Variants in ADAMTS19 observed in about 807,000 individuals in gnomAD.
The protein encoded by ADAMTS19 is A disintegrin and metalloproteinase with thrombospondin motifs 19.
A neutral mutation model predicts 153.3 loss-of-function variants in ADAMTS19; 93 were observed. The observed-to-expected ratio is 0.61, with a 90% CI of 0.51 to 0.72. ADAMTS19 has a LOEUF of 0.72. Ranked by LOEUF, ADAMTS19 falls within the 30% of genes least tolerant of loss-of-function variation. The probability of loss-of-function intolerance (pLI) is 0.00; values close to 1 mark genes in which losing one functional copy is unlikely to be tolerated. For missense variants in ADAMTS19, 1,482 were observed against 1,552.1 expected (o/e 0.95, Z 0.76); for synonymous variants, 600 against 556.6 (o/e 1.08, Z -1.10).
At chr5:129,494,198 C>A (rs1432399324) in intron 2 of ADAMTS19, among the ~76,000 whole-genome samples, 3 of 151,962 alleles carry the variant, frequency 2.0e-5, no homozygotes, top group Non-Finnish European at 4.4e-5. Flanking sequence ...AGAGAAATAT[C>A]TATATTTCAA....
At chr5:129,617,537 G>A (rs1336845625) in intron 8 of ADAMTS19, among the ~76,000 whole-genome samples, 1 of 152,022 alleles carries the variant, frequency 6.6e-6, no homozygotes, top group African/African-American at 2.4e-5. Flanking sequence ...AATAGCATTT[G>A]TGTATGGTTT....
At chr5:129,716,658 T>C (rs926109808) in intron 21 of ADAMTS19, among the ~76,000 whole-genome samples, 1 of 151,540 alleles carries the variant, frequency 6.6e-6, no homozygotes, top group Non-Finnish European at 1.5e-5. Flanking sequence ...TCTTCCTCTA[T>C]ACACAAGTAG....
chr5:129,509,124 C>T lies in ADAMTS19; in HGVS notation c.795C>T (p.Leu265=), dbSNP rs375400868. 5.0e-6 allele frequency: 8 copies of T among 1,611,490 alleles called. No individual in the cohort carries two copies. In the African/African-American group the frequency reaches 8.0e-5, roughly 16 times the overall value. The change falls in exon 3 of 23, where the codon CTC becomes CTT. Residue 265 remains leucine (L), a synonymous_variant. Coordinates refer to ENST00000274487, the MANE Select transcript of ADAMTS19 (RefSeq NM_133638.6). ...AGGACTTCATATTTATTGAGCCACT[C>T]AATGATACAATGGCCATAACAGGTC... ...LNEDFIFIEP[L]NDTMAITGHP...
At chr5:129,467,184 A>T (rs1262754671) in intron 2 of ADAMTS19, among the ~76,000 whole-genome samples, 3 of 152,192 alleles carry the variant, frequency 2.0e-5, no homozygotes, top group Non-Finnish European at 4.4e-5. Context: ...TGTATGCTGT[A>T]AGACAAAGGA....
At chr5:129,719,405 AC>A (rs1356720480) in intron 21 of ADAMTS19, among the ~76,000 whole-genome samples, 2 of 152,186 alleles carry the variant, frequency 1.3e-5, no homozygotes, top group African/African-American at 4.8e-5. Context: ...ATTCAGAGTG[AC>A]AAATGACTAG....
intron 7 of ADAMTS19, among the ~76,000 whole-genome samples, chr5:129,575,912 T>C (rs1001656666): frequency 3.9e-5 from 6 of 152,042 alleles, no homozygotes; most frequent in Non-Finnish European, 8.8e-5. Flanking sequence ...TACCCTTATA[T>C]TTTCTGAAGA....
At chr5:129,460,601 A>G in intron 1 of ADAMTS19, 119 bp downstream of exon 1, 5 of 1,118,232 alleles carry the variant, frequency 4.5e-6, no homozygotes, top group Non-Finnish European at 6.7e-6. Context: ...GTGGGTAGCA[A>G]TAAAAATGAG....
At position 129,460,317 on chromosome 5, in the gene ADAMTS19, G is replaced by T; in HGVS notation, c.-75G>T. On this transcript the variant is annotated 5_prime_UTR_variant, in exon 1 of 23. Coordinates refer to ENST00000274487, the MANE Select transcript of ADAMTS19 (RefSeq NM_133638.6). ...CCGCCCGGCCTCCTAGCGCTCCGGGGAGGCCGCTGCGCCCCGGAGTGGATC... is the reference window on the plus strand; with the variant it reads ...CCGCCCGGCCTCCTAGCGCTCCGGGTAGGCCGCTGCGCCCCGGAGTGGATC... 2 of 1,350,846 alleles carry T rather than the reference G, an allele frequency of 1.5e-6. No individual in the cohort carries two copies. The highest frequency in any genetic ancestry group is 1.5e-5 in the African/African-American group (1 of 68,816). 83.7% of individuals were successfully genotyped at this position (1,350,846 alleles called of 1,614,324 possible). A position where few individuals can be genotyped will look rare whatever the true frequency, so the allele number is the denominator to read the frequency against.
chr5:129,545,610 A>T (rs1415475351), intron 6 of ADAMTS19, among the ~76,000 whole-genome samples: 1 of 151,878 alleles, frequency 6.6e-6, no homozygotes, highest in Non-Finnish European at 1.5e-5. Flanking sequence ...GAAGACATTT[A>T]TGCAGCCAAA....
rs140395613 is a variant in ADAMTS19, at chr5:129,622,643, C to A, written c.1770+295C>A. On this transcript the variant is annotated intron_variant, in intron 10 of 22. Transcript: ENST00000274487. ...TCAGTTCAATGCTTCTATTTTAAAT[C>A]CCATACAGTTTTCTCTCCATTATCT... is the stretch of plus-strand genomic sequence containing the variant. Among the ~76,000 whole-genome samples, 295 of 152,194 alleles carry A rather than the reference C, an allele frequency of 1.9e-3. 1 individual carries two copies. The highest frequency in any genetic ancestry group is 6.9e-3 in the African/African-American group (286 of 41,536).
chr5:129,647,193 A>C lies in ADAMTS19; in HGVS notation c.1873-572A>C, dbSNP rs565309273. Among the ~76,000 whole-genome samples the C allele has an allele frequency of 6.9e-5, 10 of 144,792 alleles. No individual in the cohort carries two copies. The South Asian group carries it at 2.3e-3, about 33-fold the overall frequency. 95.0% of individuals were successfully genotyped at this position (144,792 alleles called of 152,430 possible). On this transcript the variant is annotated intron_variant, in intron 11 of 22. Coordinates refer to ENST00000274487, the MANE Select transcript of ADAMTS19 (RefSeq NM_133638.6). ...CAACTTGCTGTAATGTTAATGTTTG[A>C]ACTTGATGGGAATTCTTTCAGAAAA... is the stretch of plus-strand genomic sequence containing the variant.
intron 21 of ADAMTS19, among the ~76,000 whole-genome samples, chr5:129,712,153 T>C (rs1756511934): frequency 6.6e-6 from 1 of 152,140 alleles, no homozygotes; most frequent in Admixed American, 6.5e-5. Flanking sequence ...GAGAAGGTAA[T>C]TGCTTACAAT....
At chr5:129,659,146 T>C (rs1753719247) in intron 15 of ADAMTS19, among the ~76,000 whole-genome samples, 1 of 152,304 alleles carries the variant, frequency 6.6e-6, no homozygotes, top group South Asian at 2.1e-4. Flanking sequence ...TTTTTCTTAA[T>C]GTTTTTGCTA....
In ADAMTS19 at chr5:129,654,286, T is replaced by C; in HGVS notation, c.2177-20T>C. Reference sequence around the variant, plus strand: ...ATGGGGTAACTTTTTCTCATTTCTTTTTATCTACTCTGTATGTAGAAAAAC... The same window carrying C: ...ATGGGGTAACTTTTTCTCATTTCTTCTTATCTACTCTGTATGTAGAAAAAC... On this transcript the variant is annotated intron_variant, in intron 13 of 22. Transcript: ENST00000274487. 6.4e-7 allele frequency: 1 copy of C among 1,558,974 alleles called. No individual in the cohort carries two copies. Among genetic ancestry groups the C allele is most frequent in the Non-Finnish European group, 8.6e-7 (1 of 1,160,468 alleles).
intron 3 of ADAMTS19, among the ~76,000 whole-genome samples, chr5:129,511,582 A>G (rs1281658862): frequency 6.6e-6 from 1 of 151,662 alleles, no homozygotes. Context: ...TAACTCAGCA[A>G]TTACACCATA....
chr5:129,584,907 G>A (rs948088755), intron 7 of ADAMTS19, among the ~76,000 whole-genome samples: 7 of 152,134 alleles, frequency 4.6e-5, no homozygotes, highest in South Asian at 2.1e-4. Context: ...GGAGTGATTC[G>A]TTCTGTCTTG....
At chr5:129,503,618 C>T (rs1471125069) in intron 2 of ADAMTS19, among the ~76,000 whole-genome samples, 1 of 152,124 alleles carries the variant, frequency 6.6e-6, no homozygotes, top group Non-Finnish European at 1.5e-5. Context: ...GCATGCGGAT[C>T]ACCTGAGGTC....
chr5:129,488,309 G>A (rs1039750644), intron 2 of ADAMTS19, among the ~76,000 whole-genome samples: 1 of 151,976 alleles, frequency 6.6e-6, no homozygotes, highest in African/African-American at 2.4e-5. Context: ...GCTGTTATTT[G>A]TAAGATAGGA....
intron 3 of ADAMTS19, among the ~76,000 whole-genome samples, chr5:129,512,963 A>G (rs1388034366): frequency 2.0e-5 from 3 of 151,862 alleles, no homozygotes; most frequent in Non-Finnish European, 2.9e-5. Flanking sequence ...TCCGAAGCCA[A>G]TGTGGGTTCA....
Sources: allele counts gnomAD v4.1 joint callset (sites outside exome capture counted in the v4.1 genomes callset), GRCh38; gene constraint gnomAD v4.1.1; transcripts MANE v1.5; gene names NCBI Gene and HGNC (gene_info 2026-07-23, HGNC 2026-07-21).